Variants in GSAP observed in about 807,000 individuals in gnomAD.
The protein encoded by GSAP is gamma-secretase-activating protein.
In GSAP, 118 loss-of-function variants were observed where a neutral mutation model predicts 131.7. The observed-to-expected ratio is 0.90, with a 90% CI of 0.77 to 1.04. The LOEUF (loss-of-function observed/expected upper bound fraction) is 1.04, where lower values mean the gene tolerates loss of function less well. Ranked by LOEUF, GSAP falls within the 50% of genes least tolerant of loss-of-function variation. The probability of loss-of-function intolerance (pLI) is 0.00; values close to 1 mark genes in which losing one functional copy is unlikely to be tolerated. For synonymous variants in GSAP, 381 were observed against 363.4 expected (o/e 1.05, Z -0.55); for missense variants, 1,019 against 1,013.2 (o/e 1.01, Z -0.08).
At chr7:77,392,417 G>A (rs1005525515) in intron 5 of GSAP, among the ~76,000 whole-genome samples, 2 of 151,792 alleles carry the variant, frequency 1.3e-5, no homozygotes, top group African/African-American at 2.4e-5. Context: ...GCGTGGTGGC[G>A]CACACTTGTA....
intron 19 of GSAP, among the ~76,000 whole-genome samples, chr7:77,335,833 A>G (rs1317557686): frequency 1.3e-5 from 2 of 152,262 alleles, no homozygotes; most frequent in Non-Finnish European, 2.9e-5. Context: ...CAGCTAAAGC[A>G]TCATCCAATT....
At chr7:77,328,520 T>G in intron 22 of GSAP, 86 bp downstream of exon 22, 1 of 1,544,256 alleles carries the variant, frequency 6.5e-7, no homozygotes, top group Non-Finnish European at 8.7e-7. Flanking sequence ...GTGATTCTCT[T>G]GCCAACCCAC....
chr7:77,392,841 A>G (rs758635927), intron 5 of GSAP, among the ~76,000 whole-genome samples: 20 of 152,178 alleles, frequency 1.3e-4, no homozygotes, highest in Non-Finnish European at 2.1e-4. Flanking sequence ...ACTGTCTATG[A>G]TGGTGAGAGG....
Position 77,329,387 on chromosome 7 carries a change from GT to G in GSAP, c.1678del (p.Thr560GlnfsTer10). 6.3e-7 allele frequency: 1 copy of G among 1,577,248 alleles called. No homozygotes were observed. Among genetic ancestry groups the G allele is most frequent in the Non-Finnish European group, 8.6e-7 (1 of 1,157,704 alleles). ...EWHNLISEEK[T>X]GKRRSAAYVR... Reference sequence around the variant, plus strand: ...GTATGCCGCAGACCTTCTTTTTCCTGTTTTCTAGGAGTGAGAACACGTCAGA... The same window carrying G: ...GTATGCCGCAGACCTTCTTTTTCCTGTTTCTAGGAGTGAGAACACGTCAGA... On this transcript the variant is annotated frameshift_variant, in exon 21 of 31. Transcript: ENST00000257626. LOFTEE classifies it high-confidence loss of function.
intron 26 of GSAP, among the ~76,000 whole-genome samples, chr7:77,318,073 A>G (rs1047762184): frequency 3.3e-5 from 5 of 152,236 alleles, no homozygotes; most frequent in Admixed American, 1.3e-4. Context: ...TAAATAGCCC[A>G]TGTTTCAACA....
chr7:77,359,054 G>A (rs1057006577), intron 14 of GSAP, among the ~76,000 whole-genome samples: 1 of 152,138 alleles, frequency 6.6e-6, no homozygotes, highest in Non-Finnish European at 1.5e-5. Context: ...AGGCATGGTG[G>A]CGTGCGCCTG....
chr7:77,336,267 G>T (rs1359631696), intron 19 of GSAP, among the ~76,000 whole-genome samples: 1 of 151,890 alleles, frequency 6.6e-6, no homozygotes, highest in Admixed American at 6.6e-5. Flanking sequence ...TCAATGCTAA[G>T]CTCTTTCCCT....
rs1792861772 is a variant in GSAP, at chr7:77,351,552, A to G, written c.1491+1392T>C. On this transcript the variant is annotated intron_variant, in intron 18 of 30. Coordinates refer to ENST00000257626, the MANE Select transcript of GSAP (RefSeq NM_017439.4). ...AAGGTAACCTAGTCCAACCACAAGAAGTTTAAAGCAACATGGCAAACCCCA... is the reference window on the plus strand; with the variant it reads ...AAGGTAACCTAGTCCAACCACAAGAGGTTTAAAGCAACATGGCAAACCCCA... 6 of 985,482 alleles carry G rather than the reference A, an allele frequency of 6.1e-6. No homozygotes were observed. The South Asian group carries it at 2.3e-4, about 39-fold the overall frequency. 61.0% of individuals were successfully genotyped at this position (985,482 alleles called of 1,614,324 possible). A position where few individuals can be genotyped will look rare whatever the true frequency, so the allele number is the denominator to read the frequency against.
chr7:77,327,844 C>A (rs1012564303), intron 22 of GSAP, among the ~76,000 whole-genome samples: 2 of 152,012 alleles, frequency 1.3e-5, no homozygotes, highest in Non-Finnish European at 2.9e-5. Flanking sequence ...CCGCTCCTAA[C>A]CTATCCTCTC....
chr7:77,384,298 C>T (rs1320870382), intron 6 of GSAP, among the ~76,000 whole-genome samples: 1 of 152,164 alleles, frequency 6.6e-6, no homozygotes, highest in African/African-American at 2.4e-5. Context: ...AACCTCTAAA[C>T]CTCTGCCTGG....
intron 19 of GSAP, among the ~76,000 whole-genome samples, chr7:77,334,939 C>T (rs112123532): frequency 0.18 from 27,124 of 151,516 alleles, 2,644 homozygotes; most frequent in Non-Finnish European, 0.2. Flanking sequence ...AAAAATTAGC[C>T]GGGTGTGGTG....
intron 3 of GSAP, among the ~76,000 whole-genome samples, chr7:77,403,469 A>AG (rs1391118622): frequency 6.6e-6 from 1 of 152,250 alleles, no homozygotes; most frequent in African/African-American, 2.4e-5. Flanking sequence ...ATTCAATTCT[A>AG]AATTGTTTTT....
chr7:77,413,996 G>GC (rs1402131707), intron 1 of GSAP, among the ~76,000 whole-genome samples: 1 of 152,144 alleles, frequency 6.6e-6, no homozygotes, highest in Non-Finnish European at 1.5e-5. Context: ...AGGAGCAAAT[G>GC]CAGTAACCAA....
In GSAP at chr7:77,311,472, C is replaced by T. The variant is rs763398034; in HGVS notation, c.2474-23G>A. The T allele has an allele frequency of 1.8e-5, 24 of 1,369,242 alleles. No homozygotes were observed. The South Asian group carries it at 2.8e-4, about 16-fold the overall frequency. 84.8% of individuals were successfully genotyped at this position (1,369,242 alleles called of 1,614,324 possible). Reference sequence around the variant, plus strand: ...GGGCTGGAAAAAAATGGGGAGAGGGCAGGGAAAAAGGGTTACCATGGGTCC... The same window carrying T: ...GGGCTGGAAAAAAATGGGGAGAGGGTAGGGAAAAAGGGTTACCATGGGTCC... On this transcript the variant is annotated intron_variant, in intron 30 of 30. Coordinates refer to ENST00000257626, the MANE Select transcript of GSAP (RefSeq NM_017439.4).
chr7:77,398,372 ATTGTCGG>A (rs1253467100), intron 3 of GSAP, among the ~76,000 whole-genome samples: 1 of 152,090 alleles, frequency 6.6e-6, no homozygotes, highest in African/African-American at 2.4e-5. Flanking sequence ...TCATGTGAGA[ATTGTCGG>A]TTTCCTTTGA....
chr7:77,358,920 C>T (rs911204029), intron 14 of GSAP, among the ~76,000 whole-genome samples: 3 of 152,224 alleles, frequency 2.0e-5, no homozygotes, highest in African/African-American at 7.2e-5. Flanking sequence ...GGCACAGTGG[C>T]TCACGCCTGT....
At chr7:77,351,792 GGT>G (rs1792900946) in intron 18 of GSAP, 1 of 871,704 alleles carries the variant, frequency 1.1e-6, no homozygotes, top group South Asian at 5.3e-5. Context: ...GGGAACCAGT[GGT>G]CCCAGCTGCC....
chr7:77,405,703 C>A (rs955412781), intron 2 of GSAP, among the ~76,000 whole-genome samples: 19 of 152,104 alleles, frequency 1.2e-4, no homozygotes, highest in Non-Finnish European at 7.4e-5. Flanking sequence ...ACACCCAGCT[C>A]ATTTTTGTAT....
chr7:77,336,108 C>T (rs985732210), intron 19 of GSAP, among the ~76,000 whole-genome samples: 3 of 152,180 alleles, frequency 2.0e-5, no homozygotes, highest in Non-Finnish European at 4.4e-5. Flanking sequence ...CTCCTTCTTC[C>T]CCAATATCTA....
Sources: gnomAD v4.1 joint callset for allele counts (sites outside exome capture counted in the v4.1 genomes callset) on GRCh38, gnomAD v4.1.1 for gene constraint, MANE v1.5 for transcripts, NCBI Gene and HGNC (gene_info 2026-07-23, HGNC 2026-07-21) for gene names.